Variants in KDM3B observed in about 807,000 individuals in gnomAD.
The protein encoded by KDM3B is lysine demethylase 3B, also known as lysine-specific demethylase 3B.
Under a neutral mutation model 170.0 loss-of-function variants are expected in KDM3B, and 10 were observed. That is an observed-to-expected ratio of 0.06 (90% confidence interval 0.04 to 0.10). KDM3B has a LOEUF of 0.10. KDM3B is among the 10% of genes least tolerant of loss of function. The pLI is 1.00. For synonymous variants in KDM3B, 831 were observed against 834.8 expected (o/e 1.00, Z 0.08); for missense variants, 1,394 against 2,195.2 (o/e 0.64, Z 7.29).
At chr5:138,381,962 CTT>C (rs34859059) in intron 6 of KDM3B, among the ~76,000 whole-genome samples, 6 of 148,468 alleles carry the variant, frequency 4.0e-5, no homozygotes, top group African/African-American at 5.0e-5. Context: ...ACTACGTCCA[CTT>C]TTTTTTTTTT....
intron 15 of KDM3B, among the ~76,000 whole-genome samples, chr5:138,421,237 A>AT (rs1191831042): frequency 3.3e-5 from 5 of 151,794 alleles, no homozygotes; most frequent in East Asian, 1.9e-4. Context: ...GCAGGCATTA[A>AT]TTTTTTTTTA....
chr5:138,376,840 T>C (rs1048392366), intron 3 of KDM3B, among the ~76,000 whole-genome samples: 7 of 152,082 alleles, frequency 4.6e-5, no homozygotes, highest in African/African-American at 1.7e-4. Flanking sequence ...TGAAGTATCA[T>C]AGTTACAAAG....
chr5:138,404,433 A>G (rs544616750), intron 11 of KDM3B, among the ~76,000 whole-genome samples: 2 of 152,188 alleles, frequency 1.3e-5, no homozygotes, highest in South Asian at 2.1e-4. Flanking sequence ...TTCGAGACCA[A>G]CCTGGCCAAC....
intron 3 of KDM3B, 100 bp downstream of exon 3, chr5:138,375,306 C>T: frequency 2.0e-6 from 1 of 506,146 alleles, no homozygotes; most frequent in South Asian, 4.5e-5. Flanking sequence ...TGGGTGGGAA[C>T]ATATTAGCAT....
chr5:138,422,785 T>C (rs1763304892), intron 15 of KDM3B, among the ~76,000 whole-genome samples: 1 of 152,220 alleles, frequency 6.6e-6, no homozygotes, highest in Admixed American at 6.5e-5. Context: ...GTTCTACACC[T>C]TGCTATTCTG....
chr5:138,362,157 T>TA (rs1761625000), intron 1 of KDM3B, among the ~76,000 whole-genome samples: 2 of 151,746 alleles, frequency 1.3e-5, no homozygotes, highest in Non-Finnish European at 1.5e-5. Flanking sequence ...CTGTCTCTAC[T>TA]AAAAAATACA....
At chr5:138,411,941 C>A (rs1276131228) in intron 11 of KDM3B, among the ~76,000 whole-genome samples, 1 of 149,020 alleles carries the variant, frequency 6.7e-6, no homozygotes, top group Non-Finnish European at 1.5e-5. Flanking sequence ...AACTCCTGAT[C>A]TCAGGTGACC....
intron 12 of KDM3B, among the ~76,000 whole-genome samples, chr5:138,415,499 G>A (rs748312767): frequency 1.3e-5 from 2 of 152,080 alleles, no homozygotes; most frequent in Non-Finnish European, 1.5e-5. Flanking sequence ...GTGCAGTGGT[G>A]TGGTCATAGC....
chr5:138,378,802 G>GAC (rs1268446508), intron 4 of KDM3B, among the ~76,000 whole-genome samples: 2 of 143,190 alleles, frequency 1.4e-5, no homozygotes, highest in East Asian at 3.9e-4. Context: ...TATATATCAT[G>GAC]ATATATATAT....
intron 11 of KDM3B, among the ~76,000 whole-genome samples, chr5:138,402,232 A>C (rs902674979): frequency 6.6e-6 from 1 of 151,888 alleles, no homozygotes; most frequent in Non-Finnish European, 1.5e-5. Flanking sequence ...CCATTTGTTT[A>C]TTTTCTTAGG....
chr5:138,417,890 A>G lies in KDM3B; in HGVS notation c.3435+280A>G, dbSNP rs144462866. ...AAGATACATACCTCAGGGTCTTTGT[A>G]TGGGTAAAGAATATAGAAAAGGTTG... On this transcript the variant is annotated intron_variant, in intron 13 of 23. Coordinates refer to ENST00000314358, the MANE Select transcript of KDM3B (RefSeq NM_016604.4). 1.0e-3 allele frequency: 290 copies of G among 279,854 alleles called. 1 individual carries two copies. Among genetic ancestry groups the G allele is most frequent in the Non-Finnish European group, 1.7e-3 (244 of 146,298 alleles). The allele number at this position is 279,854 out of a possible 1,614,324, so 17.3% of individuals were successfully genotyped here.
At chr5:138,355,267 G>T (rs1315682575) in intron 1 of KDM3B, among the ~76,000 whole-genome samples, 2 of 152,206 alleles carry the variant, frequency 1.3e-5, no homozygotes, top group African/African-American at 4.8e-5. Flanking sequence ...AGGGTTGGAT[G>T]AATGAGTTTC....
chr5:138,392,792 T>C (rs1207901289), intron 8 of KDM3B, among the ~76,000 whole-genome samples: 2 of 152,190 alleles, frequency 1.3e-5, no homozygotes, highest in African/African-American at 4.8e-5. Context: ...AGTCTCATGG[T>C]AAAAGCAGCT....
intron 13 of KDM3B, 23 bp from the exon 14 acceptor site, chr5:138,418,930 T>A (rs1763177951): frequency 1.2e-6 from 2 of 1,608,488 alleles, no homozygotes; most frequent in African/African-American, 2.7e-5. Context: ...GCACTCTAAT[T>A]ATGTTGGCCT....
At chr5:138,386,953 A>G (rs777929600) in intron 7 of KDM3B, among the ~76,000 whole-genome samples, 37 of 152,340 alleles carry the variant, frequency 2.4e-4, no homozygotes, top group Admixed American at 5.2e-4. Context: ...TGCTAGGCCT[A>G]TAAGAGGTGA....
At position 138,386,385 on chromosome 5, in the gene KDM3B, T is replaced by G; in HGVS notation, c.1144T>G (p.Phe382Val). Residue 382 changes from phenylalanine (F) to valine (V), a missense_variant, in exon 7 of 24, where the codon TTC (phenylalanine) becomes GTC (valine). By Grantham distance (50) the Phe-to-Val change is conservative. This residue lies in a region of KDM3B where 205 missense variants were observed against 227.6 expected (regional missense o/e 0.90). Coordinates refer to ENST00000314358, the MANE Select transcript of KDM3B (RefSeq NM_016604.4). ...TGTAGGTGGGGACACACCTGCATCT[T>G]TCACTCCATATTCTACAGCCACAGG... is the stretch of plus-strand genomic sequence containing the variant. Reference protein sequence around the residue: ...EPVGGDTPASFTPYSTATGQT... With the variant: ...EPVGGDTPASVTPYSTATGQT... 6.2e-7 allele frequency: 1 copy of G among 1,614,200 alleles called. No homozygotes were observed. Among genetic ancestry groups the G allele is most frequent in the Non-Finnish European group, 8.5e-7 (1 of 1,180,026 alleles).
At chr5:138,399,492 C>T (rs763604889) in intron 10 of KDM3B, among the ~76,000 whole-genome samples, 3 of 151,648 alleles carry the variant, frequency 2.0e-5, no homozygotes, top group African/African-American at 4.8e-5. Context: ...GAGCCAAGAT[C>T]GCGCCACTGC....
chr5:138,419,875 T>G (rs1580947275), intron 14 of KDM3B, among the ~76,000 whole-genome samples: 1 of 150,430 alleles, frequency 6.6e-6, no homozygotes, highest in East Asian at 2.0e-4. Context: ...ATACAAGGGG[T>G]TTTTTTTGTT....
intron 13 of KDM3B, chr5:138,417,862 G>T: frequency 2.7e-6 from 1 of 371,190 alleles, no homozygotes; most frequent in South Asian, 4.2e-5. Context: ...TTAGCATCTT[G>T]TCAAGATACA....
Sources: gnomAD v4.1 joint callset for allele counts (sites outside exome capture counted in the v4.1 genomes callset) on GRCh38, gnomAD v4.1.1 for gene constraint, gnomAD v4.1.1 regional missense constraint, MANE v1.5 for transcripts, NCBI Gene and HGNC (gene_info 2026-07-23, HGNC 2026-07-21) for gene names.